The following CACNA2D1 variants were observed in gnomAD, a reference collection of about 807,000 sequenced individuals.
The protein encoded by CACNA2D1 is voltage-dependent calcium channel subunit alpha-2/delta-1.
Under a neutral mutation model 171.5 loss-of-function variants are expected in CACNA2D1, and 53 were observed. That is an observed-to-expected ratio of 0.31 (90% CI 0.25 to 0.39). CACNA2D1 has a LOEUF of 0.39. Among genes scored for constraint, CACNA2D1 ranks in the 10% least tolerant of loss-of-function variants. The pLI, the probability that CACNA2D1 is intolerant of heterozygous loss-of-function variation, is 1.00. For missense variants in CACNA2D1, 903 were observed against 1,299.8 expected (o/e 0.69, Z 4.69); for synonymous variants, 442 against 443.1 (o/e 1.00, Z 0.03).
chr7:82,060,715 C>T (rs996279392), intron 9 of CACNA2D1, among the ~76,000 whole-genome samples, 188 bp from the exon 10 acceptor site: 2 of 151,748 alleles, frequency 1.3e-5, no homozygotes, highest in African/African-American at 2.4e-5. Flanking sequence ...GAAATCCTGC[C>T]TTTTTTTCCT....
At chr7:82,229,571 A>T (rs927391740) in intron 3 of CACNA2D1, among the ~76,000 whole-genome samples, 2 of 152,070 alleles carry the variant, frequency 1.3e-5, no homozygotes, top group African/African-American at 4.8e-5. Context: ...CTAATCACAT[A>T]CCTAGTTCAC....
intron 3 of CACNA2D1, among the ~76,000 whole-genome samples, chr7:82,238,803 T>C (rs565480273): frequency 1.3e-5 from 2 of 152,244 alleles, no homozygotes; most frequent in South Asian, 4.1e-4. Flanking sequence ...AAAACTGTCA[T>C]CACATAATGC....
rs1325624533 is a variant in CACNA2D1, at chr7:81,950,290, T to C, written c.*102A>G. On this transcript the variant is annotated 3_prime_UTR_variant, in exon 39 of 39. Coordinates refer to ENST00000356860, the MANE Select transcript of CACNA2D1 (RefSeq NM_000722.4). ...GCCATGGAACAGGCCCAGCTAATGTTTGTCTGATTTTATAGCTGACCCTAC... is the reference window on the plus strand; with the variant it reads ...GCCATGGAACAGGCCCAGCTAATGTCTGTCTGATTTTATAGCTGACCCTAC... The C allele has an allele frequency of 3.7e-6, 6 of 1,605,754 alleles. No homozygotes were observed. Among genetic ancestry groups the C allele is most frequent in the Non-Finnish European group, 5.1e-6 (6 of 1,174,672 alleles).
intron 30 of CACNA2D1, 128 bp from the exon 31 acceptor site, chr7:81,967,335 C>G (rs2130368205): frequency 1.3e-6 from 1 of 791,584 alleles, no homozygotes; most frequent in Non-Finnish European, 2.1e-6. Flanking sequence ...ACAGTCTAGT[C>G]TATAAGAAAC....
intron 12 of CACNA2D1, among the ~76,000 whole-genome samples, chr7:82,019,278 C>T (rs1022129757): frequency 2.0e-5 from 3 of 152,148 alleles, no homozygotes; most frequent in Admixed American, 6.5e-5. Flanking sequence ...TGAGATCACA[C>T]CACTGCACTT....
intron 6 of CACNA2D1, among the ~76,000 whole-genome samples, chr7:82,111,718 G>T (rs897042204): frequency 6.6e-6 from 1 of 151,332 alleles, no homozygotes; most frequent in Admixed American, 6.6e-5. Flanking sequence ...CAAAGTGCTG[G>T]GATTACAGGC....
chr7:82,099,805 A>G (rs961021926), intron 6 of CACNA2D1, among the ~76,000 whole-genome samples: 1 of 152,146 alleles, frequency 6.6e-6, no homozygotes, highest in African/African-American at 2.4e-5. Context: ...TAGGAATCAG[A>G]TCATATTATT....
intron 3 of CACNA2D1, among the ~76,000 whole-genome samples, chr7:82,316,600 GC>G (rs1419569037): frequency 1.3e-5 from 2 of 152,110 alleles, no homozygotes; most frequent in Non-Finnish European, 2.9e-5. Context: ...TCAATCAGTA[GC>G]TAACATATAA....
At chr7:82,304,960 C>A (rs1406419437) in intron 3 of CACNA2D1, among the ~76,000 whole-genome samples, 1 of 152,074 alleles carries the variant, frequency 6.6e-6, no homozygotes, top group East Asian at 1.9e-4. Flanking sequence ...ATGCATGTAA[C>A]AAAATATCAT....
At chr7:82,306,164 T>C (rs1313960973) in intron 3 of CACNA2D1, among the ~76,000 whole-genome samples, 1 of 152,202 alleles carries the variant, frequency 6.6e-6, no homozygotes. Context: ...TTGGTCTTGT[T>C]TTATGTCCCT....
chr7:82,400,891 T>C (rs1341141888), intron 1 of CACNA2D1, among the ~76,000 whole-genome samples: 8 of 151,652 alleles, frequency 5.3e-5, no homozygotes, highest in Non-Finnish European at 8.8e-5. Flanking sequence ...AAAAAGTGGG[T>C]GAAGGACATG....
chr7:82,172,247 C>T (rs1221203004), intron 3 of CACNA2D1, among the ~76,000 whole-genome samples: 3 of 151,934 alleles, frequency 2.0e-5, no homozygotes, highest in African/African-American at 7.2e-5. Flanking sequence ...AAAAACTAAG[C>T]AGCAAAGCCA....
At chr7:82,405,923 G>A (rs186029181) in intron 1 of CACNA2D1, among the ~76,000 whole-genome samples, 2 of 152,082 alleles carry the variant, frequency 1.3e-5, no homozygotes, top group Non-Finnish European at 2.9e-5. Flanking sequence ...AAGTTCTAGG[G>A]TACCTGCGCA....
intron 6 of CACNA2D1, among the ~76,000 whole-genome samples, chr7:82,110,901 C>T (rs1305174351): frequency 2.0e-5 from 3 of 152,204 alleles, no homozygotes; most frequent in Middle Eastern, 6.8e-3. Context: ...CTACGATATA[C>T]ACTATTATTT....
intron 6 of CACNA2D1, among the ~76,000 whole-genome samples, chr7:82,086,618 T>C (rs566753927): frequency 4.6e-5 from 7 of 152,254 alleles, no homozygotes; most frequent in African/African-American, 1.2e-4. Flanking sequence ...AAGAGGAACA[T>C]TGTGTTTTCT....
intron 35 of CACNA2D1, 74 bp downstream of exon 35, chr7:81,962,366 T>C: frequency 9.8e-7 from 1 of 1,021,226 alleles, no homozygotes; most frequent in Non-Finnish European, 1.5e-6. Context: ...TCTCTGAATT[T>C]GTTGAACTTC....
intron 9 of CACNA2D1, among the ~76,000 whole-genome samples, chr7:82,063,737 G>T (rs946117103): frequency 6.6e-6 from 1 of 151,984 alleles, no homozygotes; most frequent in Non-Finnish European, 1.5e-5. Context: ...AACCTTATTA[G>T]AAAACATGTA....
chr7:81,952,842 G>C (rs1286777484), intron 38 of CACNA2D1, among the ~76,000 whole-genome samples: 1 of 152,018 alleles, frequency 6.6e-6, no homozygotes, highest in Non-Finnish European at 1.5e-5. Context: ...TCTGGTCTGT[G>C]TATTCATTGA....
At chr7:82,148,592 G>A (rs1485626772) in intron 4 of CACNA2D1, among the ~76,000 whole-genome samples, 1 of 152,164 alleles carries the variant, frequency 6.6e-6, no homozygotes, top group Admixed American at 6.5e-5. Context: ...TTCTTTGCCA[G>A]AGAAAACTCC....
Sources: allele counts gnomAD v4.1 joint callset (sites outside exome capture counted in the v4.1 genomes callset), GRCh38; gene constraint gnomAD v4.1.1; transcripts MANE v1.5; gene names NCBI Gene and HGNC (gene_info 2026-07-23, HGNC 2026-07-21).